The following ENTREP2 variants were observed in gnomAD, a reference collection of about 807,000 sequenced individuals.
ENTREP2 encodes protein ENTREP2.
the ENTREP2 span, among the ~76,000 whole-genome samples, chr15:29,448,220 T>C: frequency 6.6e-6 from 1 of 152,192 alleles, no homozygotes; most frequent in African/African-American, 2.4e-5. Context: ...CCATTCTCCG[T>C]TGACACAAGC....
chr15:29,263,966 A>G, the ENTREP2 span, among the ~76,000 whole-genome samples: 1 of 152,010 alleles, frequency 6.6e-6, no homozygotes, highest in Non-Finnish European at 1.5e-5. Flanking sequence ...CATCCTGGCT[A>G]ACACGGTGAA....
the ENTREP2 span, among the ~76,000 whole-genome samples, chr15:29,415,984 A>G: frequency 3.9e-5 from 6 of 152,226 alleles, no homozygotes; most frequent in Non-Finnish European, 8.8e-5. Context: ...CCACTGCTCA[A>G]TGAAATAAAA....
the ENTREP2 span, among the ~76,000 whole-genome samples, chr15:29,179,219 C>A: frequency 6.6e-6 from 1 of 152,328 alleles, no homozygotes; most frequent in Non-Finnish European, 1.5e-5. Flanking sequence ...TATGAATATT[C>A]TTGCTGGTTT....
At chr15:29,617,961 ACT>A in the ENTREP2 span, among the ~76,000 whole-genome samples, 1 of 151,620 alleles carries the variant, frequency 6.6e-6, no homozygotes, top group Non-Finnish European at 1.5e-5. Flanking sequence ...CCTGCTCTGG[ACT>A]CTCTAACTAG....
the ENTREP2 span, among the ~76,000 whole-genome samples, chr15:29,352,532 GGCT>G: frequency 6.6e-4 from 100 of 152,122 alleles, no homozygotes; most frequent in African/African-American, 2.4e-3. Context: ...CTCATTCCCC[GGCT>G]GCCTCCACTC....
At chr15:29,328,712 A>G in the ENTREP2 span, among the ~76,000 whole-genome samples, 1 of 152,346 alleles carries the variant, frequency 6.6e-6, no homozygotes, top group East Asian at 1.9e-4. Flanking sequence ...GCAGATGGTG[A>G]GAACCAGGTT....
At chr15:29,128,391 C>T in the ENTREP2 span, among the ~76,000 whole-genome samples, 1 of 152,130 alleles carries the variant, frequency 6.6e-6, no homozygotes, top group South Asian at 2.1e-4. Flanking sequence ...GCCGCCCAGC[C>T]CAGCCACCTT....
the ENTREP2 span, among the ~76,000 whole-genome samples, chr15:29,648,930 A>G: frequency 6.6e-6 from 1 of 150,636 alleles, no homozygotes; most frequent in African/African-American, 2.5e-5. Flanking sequence ...CAAGAGCGAA[A>G]ACTCTAAAAA....
chr15:29,303,989 T>C, the ENTREP2 span, among the ~76,000 whole-genome samples: 1 of 152,122 alleles, frequency 6.6e-6, no homozygotes, highest in African/African-American at 2.4e-5. Flanking sequence ...CAGGCGATTC[T>C]CTTGCCTCAG....
the ENTREP2 span, among the ~76,000 whole-genome samples, chr15:29,395,671 G>A: frequency 2.0e-5 from 3 of 151,568 alleles, no homozygotes; most frequent in East Asian, 5.8e-4. Context: ...GGGACTACAG[G>A]TGCATGCCAC....
the ENTREP2 span, among the ~76,000 whole-genome samples, chr15:29,605,639 C>G: frequency 6.6e-6 from 1 of 152,082 alleles, no homozygotes; most frequent in African/African-American, 2.4e-5. Flanking sequence ...GAGTTCAAGA[C>G]CAGCCTGGCC....
chr15:29,536,832 G>A, the ENTREP2 span, among the ~76,000 whole-genome samples: 1 of 152,052 alleles, frequency 6.6e-6, no homozygotes, highest in Non-Finnish European at 1.5e-5. Flanking sequence ...TGAAGACGGA[G>A]GCAGAGACTG....
the ENTREP2 span, among the ~76,000 whole-genome samples, chr15:29,555,633 A>G: frequency 6.6e-6 from 1 of 152,120 alleles, no homozygotes; most frequent in Non-Finnish European, 1.5e-5. Context: ...TGAGCTGGCT[A>G]TTTGCATATT....
the ENTREP2 span, among the ~76,000 whole-genome samples, chr15:29,540,232 T>C: frequency 6.6e-6 from 1 of 152,212 alleles, no homozygotes; most frequent in Non-Finnish European, 1.5e-5. Flanking sequence ...GTGTTTCCCA[T>C]TTCTATGTGT....
the ENTREP2 span, among the ~76,000 whole-genome samples, chr15:29,474,394 C>T: frequency 7.9e-5 from 12 of 152,256 alleles, no homozygotes; most frequent in South Asian, 2.5e-3. Flanking sequence ...CTTCAGAAAA[C>T]ACTGTCATGC....
the ENTREP2 span, among the ~76,000 whole-genome samples, chr15:29,368,437 G>A: frequency 6.6e-6 from 1 of 151,636 alleles, no homozygotes; most frequent in East Asian, 1.9e-4. Flanking sequence ...GAAAGGCATG[G>A]TGGACTTAGA....
the ENTREP2 span, among the ~76,000 whole-genome samples, chr15:29,542,440 A>G: frequency 1.3e-5 from 2 of 151,300 alleles, no homozygotes; most frequent in African/African-American, 4.9e-5. Flanking sequence ...CTGGGACTAC[A>G]GGAGCCTGCA....
At chr15:29,648,945 A>AAC in the ENTREP2 span, among the ~76,000 whole-genome samples, 11,315 of 151,848 alleles carry the variant, frequency 0.075, 556 homozygotes, top group African/African-American at 0.14. Context: ...TAAAAAAAAA[A>AAC]AACAACAACA....
chr15:29,458,989 G>T, the ENTREP2 span, among the ~76,000 whole-genome samples: 1 of 152,138 alleles, frequency 6.6e-6, no homozygotes, highest in East Asian at 1.9e-4. Context: ...GTTCCCAGGC[G>T]CAGAGCAAGA....
Sources: allele counts gnomAD v4.1 joint callset (sites outside exome capture counted in the v4.1 genomes callset), GRCh38; gene constraint gnomAD v4.1.1; transcripts MANE v1.5; gene names NCBI Gene and HGNC (gene_info 2026-07-23, HGNC 2026-07-21).